PTK7: variants seen among roughly 807,000 people sequenced by gnomAD.
PTK7 encodes inactive tyrosine-protein kinase 7.
PTK7 carries 39 observed loss-of-function variants against 116.6 expected under a neutral mutation model. The ratio of observed to expected loss-of-function variants is 0.33; its 90% CI spans 0.26 to 0.44. The LOEUF is 0.44. Among genes scored for constraint, PTK7 ranks in the 20% least tolerant of loss-of-function variants. The pLI is 1.00. For synonymous variants in PTK7, 546 were observed against 563.6 expected (o/e 0.97, Z 0.44); for missense variants, 1,169 against 1,425.6 (o/e 0.82, Z 2.90).
intron 1 of PTK7, among the ~76,000 whole-genome samples, chr6:43,121,910 C>T (rs1768988316): frequency 6.6e-6 from 1 of 152,152 alleles, no homozygotes; most frequent in Admixed American, 6.6e-5. Context: ...GAGGCTGAGG[C>T]AGGAGGATCA....
chr6:43,159,014 G>C (rs777228148), intron 18 of PTK7, 46 bp downstream of exon 18: 2 of 1,607,318 alleles, frequency 1.2e-6, no homozygotes, highest in South Asian at 1.1e-5. Flanking sequence ...TTTTCCCAGA[G>C]GGTGAGGGGC....
intron 13 of PTK7, chr6:43,142,827 ATAATGTGAAAGTT>A (rs1770502988): frequency 5.4e-6 from 1 of 185,856 alleles, no homozygotes. Flanking sequence ...TAGACAAAGT[ATAATGTGAAAGTT>A]TAAATGGATG....
chr6:43,129,462 G>A lies in PTK7; in HGVS notation c.367+198G>A, dbSNP rs1769522520. On this transcript the variant is annotated intron_variant, in intron 2 of 19. Transcript: ENST00000230419. This position sits in a 1 kb window ranked among gnomAD's most constrained non-coding sequence, Gnocchi z 4.5. The stretch of plus-strand genomic sequence containing the variant: ...TTTTTTCCAAAATTTTTTCCTTCAA[G>A]TCTGGGACCCATTTATCTGCTGCAT... 3.6e-6 allele frequency: 3 copies of A among 838,554 alleles called. No individual in the cohort carries two copies. The highest frequency in any genetic ancestry group is 5.4e-6 in the Non-Finnish European group (3 of 553,584). 51.9% of individuals were successfully genotyped at this position (838,554 alleles called of 1,614,324 possible). A position where few individuals can be genotyped will look rare whatever the true frequency, so the allele number is the denominator to read the frequency against.
intron 1 of PTK7, among the ~76,000 whole-genome samples, chr6:43,118,175 A>G (rs1768672247): frequency 6.8e-6 from 1 of 146,592 alleles, no homozygotes; most frequent in Non-Finnish European, 1.5e-5. Flanking sequence ...CCAGCCACCT[A>G]TGGCCCCTGA....
At chr6:43,084,157 G>T (rs367621862) in intron 1 of PTK7, among the ~76,000 whole-genome samples, 2 of 152,206 alleles carry the variant, frequency 1.3e-5, no homozygotes, top group East Asian at 3.9e-4. Context: ...TTGAGACAGG[G>T]TCTCACTCTG....
In PTK7 at chr6:43,076,740, A is replaced by C; in HGVS notation, c.79+173A>C. The C allele has an allele frequency of 7.3e-7, 1 of 1,376,574 alleles. No homozygotes were observed. The highest frequency in any genetic ancestry group is 9.4e-7 in the Non-Finnish European group (1 of 1,058,482). The allele number at this position is 1,376,574 out of a possible 1,614,324, so 85.3% of individuals were successfully genotyped here. On this transcript the variant is annotated intron_variant, in intron 1 of 19. Transcript: ENST00000230419. This position sits in a 1 kb window ranked among gnomAD's most constrained non-coding sequence, Gnocchi z 5.7. ...GGGCGCAAGGAGCCCGGGTGTCGGG[A>C]GGCTGGCGAAGCCTCCAGGGACGCG...
chr6:43,142,136 G>A, intron 12 of PTK7, 36 bp from the exon 13 acceptor site: 1 of 1,611,758 alleles, frequency 6.2e-7, no homozygotes, highest in Non-Finnish European at 8.5e-7. Context: ...CCCCCTCCCT[G>A]CGAGCTGGCC....
At chr6:43,126,249 G>A (rs1208419738) in intron 1 of PTK7, among the ~76,000 whole-genome samples, 1 of 152,172 alleles carries the variant, frequency 6.6e-6, no homozygotes, top group African/African-American at 2.4e-5. Context: ...AAATCCGAGA[G>A]GTGGAGGTTG....
chr6:43,134,351 CT>C (rs1769894047), intron 7 of PTK7, among the ~76,000 whole-genome samples: 1 of 151,898 alleles, frequency 6.6e-6, no homozygotes. Flanking sequence ...ATTAGGGATA[CT>C]TTTTAAAACA....
At chr6:43,119,655 A>G (rs1768843291) in intron 1 of PTK7, among the ~76,000 whole-genome samples, 1 of 152,180 alleles carries the variant, frequency 6.6e-6, no homozygotes, top group Admixed American at 6.5e-5. Flanking sequence ...CTGGCTGAGC[A>G]CCACAGAGGT....
chr6:43,108,204 C>T (rs1308582208), intron 1 of PTK7, among the ~76,000 whole-genome samples: 1 of 151,272 alleles, frequency 6.6e-6, no homozygotes, highest in African/African-American at 2.4e-5. Context: ...AAGCGATTCT[C>T]CTGCCTCAGC....
At chr6:43,155,418 G>T in intron 17 of PTK7, among the ~76,000 whole-genome samples, 1 of 152,014 alleles carries the variant, frequency 6.6e-6, no homozygotes, top group South Asian at 2.1e-4. Context: ...CGAGGCAGGT[G>T]GATCACGAGG....
At position 43,158,727 on chromosome 6, in the gene PTK7, A is replaced by G. The variant is rs974496588; in HGVS notation, c.2722-90A>G. ...TGGGCTTCCTACGCAGCACACCAAT[A>G]GTGTTGAAACGCTACCAAGGGTTGT... On this transcript the variant is annotated intron_variant, in intron 17 of 19. Coordinates refer to ENST00000230419, the MANE Select transcript of PTK7 (RefSeq NM_002821.5). 3 of 1,384,000 alleles carry G rather than the reference A, an allele frequency of 2.2e-6. No individual in the cohort carries two copies. In the South Asian group the frequency reaches 3.9e-5, roughly 18 times the overall value. The allele number at this position is 1,384,000 out of a possible 1,614,324, so 85.7% of individuals were successfully genotyped here. A position where few individuals can be genotyped will look rare whatever the true frequency, so the allele number is the denominator to read the frequency against.
intron 1 of PTK7, among the ~76,000 whole-genome samples, chr6:43,078,034 G>T (rs1240580793): frequency 6.6e-6 from 1 of 152,252 alleles, no homozygotes; most frequent in East Asian, 1.9e-4. Context: ...TGGGCGAGCA[G>T]CCCAAGCTCA....
chr6:43,112,588 A>G (rs1403424925), intron 1 of PTK7, among the ~76,000 whole-genome samples: 1 of 151,740 alleles, frequency 6.6e-6, no homozygotes, highest in Non-Finnish European at 1.5e-5. Flanking sequence ...TAATTTTTGT[A>G]TTTTTAGTAG....
intron 1 of PTK7, among the ~76,000 whole-genome samples, chr6:43,088,210 G>A (rs1167800849): frequency 1.3e-5 from 2 of 152,166 alleles, no homozygotes; most frequent in Non-Finnish European, 2.9e-5. Flanking sequence ...GGAGGCTGAG[G>A]TGGGAGGATC....
In PTK7 at chr6:43,128,947, A is replaced by G. The variant is rs200471882; in HGVS notation, c.80-30A>G. 3 of 1,573,802 alleles carry G rather than the reference A, an allele frequency of 1.9e-6. No homozygotes were observed. In the African/African-American group the frequency reaches 4.0e-5, roughly 21 times the overall value. ...AGGACAGAGGCTGCAGCTCCCCCTGACCCTGCCTCTCCCCTGTTTGCATCT... is the reference window on the plus strand; with the variant it reads ...AGGACAGAGGCTGCAGCTCCCCCTGGCCCTGCCTCTCCCCTGTTTGCATCT... On this transcript the variant is annotated intron_variant, in intron 1 of 19. Transcript: ENST00000230419.
Position 43,139,074 on chromosome 6 carries a change from G to T in PTK7, c.1363-62G>T, listed in dbSNP as rs1453099200. 21 of 1,610,700 alleles carry T rather than the reference G, an allele frequency of 1.3e-5. No homozygotes were observed. Among genetic ancestry groups the T allele is most frequent in the Non-Finnish European group, 1.8e-5 (21 of 1,177,698 alleles). ...ACCTCCATAGCACTCTTACCCTGGA[G>T]GCAGCCTCCAGGGAGAGGTGGGTGT... On this transcript the variant is annotated intron_variant, in intron 8 of 19. Coordinates refer to ENST00000230419, the MANE Select transcript of PTK7 (RefSeq NM_002821.5). This position sits in a 1 kb window ranked among gnomAD's most constrained non-coding sequence, Gnocchi z 4.6.
intron 17 of PTK7, among the ~76,000 whole-genome samples, chr6:43,150,862 C>A (rs1488746845): frequency 8.1e-6 from 1 of 123,944 alleles, no homozygotes; most frequent in African/African-American, 3.1e-5. Context: ...GGCTGGGTTG[C>A]AGTGGCACCA....
Sources: gnomAD v4.1 joint callset for allele counts (sites outside exome capture counted in the v4.1 genomes callset) on GRCh38, gnomAD v4.1.1 for gene constraint, Gnocchi (gnomAD v3.1) non-coding constraint, MANE v1.5 for transcripts, NCBI Gene and HGNC (gene_info 2026-07-23, HGNC 2026-07-21) for gene names.